Variants in LINC00305 observed in about 807,000 individuals in gnomAD.
The protein encoded by LINC00305 is long intergenic non-protein coding RNA 305.
intron 1 of LINC00305, among the ~76,000 whole-genome samples, chr18:64,143,621 T>C (rs572594688): frequency 2.0e-5 from 3 of 148,670 alleles, no homozygotes; most frequent in South Asian, 2.1e-4. Flanking sequence ...TATGTACACA[T>C]ATGTATGTAC....
intron 1 of LINC00305, among the ~76,000 whole-genome samples, chr18:64,148,458 C>G (rs1313963191): frequency 2.0e-5 from 3 of 151,736 alleles, no homozygotes; most frequent in African/African-American, 7.3e-5. Flanking sequence ...CTTAAGCAAG[C>G]CAGGCTTGCA....
intron 3 of LINC00305, among the ~76,000 whole-genome samples, chr18:64,096,775 G>C (rs998056352): frequency 1.3e-5 from 2 of 151,794 alleles, no homozygotes; most frequent in Non-Finnish European, 2.9e-5. Context: ...AACGTAGTAA[G>C]TTAAAGAACA....
At chr18:64,127,917 G>A (rs1444687807) in intron 1 of LINC00305, among the ~76,000 whole-genome samples, 2 of 152,000 alleles carry the variant, frequency 1.3e-5, no homozygotes, top group African/African-American at 2.4e-5. Flanking sequence ...AGGAAGTTTG[G>A]GTTTTTGTAA....
At chr18:64,116,818 A>G (rs2051339811) in intron 1 of LINC00305, among the ~76,000 whole-genome samples, 1 of 152,238 alleles carries the variant, frequency 6.6e-6, no homozygotes. Context: ...TTCTTGGACA[A>G]CAAAAAGTGC....
At chr18:64,131,106 T>C (rs542852249) in intron 1 of LINC00305, among the ~76,000 whole-genome samples, 3 of 152,324 alleles carry the variant, frequency 2.0e-5, no homozygotes, top group East Asian at 1.9e-4. Context: ...TGTGCTATTA[T>C]GTAGAAGCCC....
chr18:64,091,923 T>C (rs533525342), intron 3 of LINC00305, among the ~76,000 whole-genome samples: 1 of 152,336 alleles, frequency 6.6e-6, no homozygotes, highest in Admixed American at 6.5e-5. Flanking sequence ...ATTATTTAAG[T>C]AGAGACTATC....
chr18:64,144,235 G>A lies in LINC00305; in HGVS notation n.314+4540C>T, dbSNP rs544103190. On this transcript the variant is annotated intron_variant and non_coding_transcript_variant, in intron 1 of 3. Transcript: ENST00000666468. Reference sequence around the variant, plus strand: ...AATTATTTATGCTCTATAGAATTAGGTTTTGTTGCCAATAGCCTTATTTGT... The same window carrying A: ...AATTATTTATGCTCTATAGAATTAGATTTTGTTGCCAATAGCCTTATTTGT... Among the ~76,000 whole-genome samples the A allele has an allele frequency of 1.0e-3, 157 of 152,274 alleles. 3 individuals are homozygous for A. The South Asian group carries it at 0.014, about 13-fold the overall frequency.
intron 1 of LINC00305, among the ~76,000 whole-genome samples, chr18:64,106,884 C>T (rs1335384578): frequency 6.6e-6 from 1 of 152,258 alleles, no homozygotes; most frequent in East Asian, 1.9e-4. Context: ...TTTATGTACT[C>T]ACAGAAGAAA....
At chr18:64,127,706 G>A (rs1599224863) in intron 1 of LINC00305, among the ~76,000 whole-genome samples, 1 of 152,230 alleles carries the variant, frequency 6.6e-6, no homozygotes, top group African/African-American at 2.4e-5. Flanking sequence ...CTGGAAGCCA[G>A]CCCAATGGAC....
chr18:64,145,050 T>A (rs1203392081), intron 1 of LINC00305, among the ~76,000 whole-genome samples: 2 of 152,182 alleles, frequency 1.3e-5, no homozygotes, highest in Non-Finnish European at 2.9e-5. Flanking sequence ...TACTCCCTTC[T>A]GAGAATTTCT....
intron 1 of LINC00305, among the ~76,000 whole-genome samples, chr18:64,129,073 C>T (rs992494433): frequency 6.6e-6 from 1 of 151,982 alleles, no homozygotes; most frequent in Non-Finnish European, 1.5e-5. Context: ...AGAATTCATG[C>T]GATACATTTT....
chr18:64,125,889 C>G (rs1012200941), intron 1 of LINC00305, among the ~76,000 whole-genome samples: 1 of 152,094 alleles, frequency 6.6e-6, no homozygotes, highest in Non-Finnish European at 1.5e-5. Context: ...TGGTTCTTTT[C>G]TCTGTCTCAC....
intron 1 of LINC00305, among the ~76,000 whole-genome samples, chr18:64,122,884 T>G (rs745885163): frequency 7.9e-5 from 12 of 152,124 alleles, no homozygotes; most frequent in Non-Finnish European, 1.6e-4. Context: ...ATTTTCTATT[T>G]TTCCTTGTAG....
chr18:64,083,764 A>G (rs2051193375), intron 3 of LINC00305, among the ~76,000 whole-genome samples: 3 of 152,210 alleles, frequency 2.0e-5, no homozygotes, highest in Admixed American at 2.0e-4. Context: ...GGTTCTCATT[A>G]TAATGCTCAA....
intron 1 of LINC00305, among the ~76,000 whole-genome samples, chr18:64,121,416 C>T (rs2051361592): frequency 6.6e-6 from 1 of 152,046 alleles, no homozygotes; most frequent in Admixed American, 6.6e-5. Flanking sequence ...CACTATTTAG[C>T]TCCCACTTAT....
At chr18:64,130,163 A>G (rs991523263) in intron 1 of LINC00305, among the ~76,000 whole-genome samples, 1 of 152,178 alleles carries the variant, frequency 6.6e-6, no homozygotes, top group Non-Finnish European at 1.5e-5. Flanking sequence ...CAAAATAAAT[A>G]CAAAACTTAC....
At chr18:64,143,575 TG>T (rs1288914428) in intron 1 of LINC00305, among the ~76,000 whole-genome samples, 25 of 2,938 alleles carry the variant, frequency 8.5e-3, no homozygotes, top group African/African-American at 0.011. Context: ...TATACACATA[TG>T]TATATGTACA....
intron 3 of LINC00305, among the ~76,000 whole-genome samples, chr18:64,085,572 C>T (rs1344936240): frequency 1.3e-5 from 2 of 152,132 alleles, no homozygotes; most frequent in East Asian, 3.9e-4. Context: ...AAGAGATTCT[C>T]CTGCCCCAGC....
chr18:64,111,880 G>A (rs907308336), intron 1 of LINC00305, among the ~76,000 whole-genome samples: 6 of 152,144 alleles, frequency 3.9e-5, no homozygotes, highest in South Asian at 4.1e-4. Flanking sequence ...ATGTACCTCC[G>A]GGAACAGTAA....
Sources: gnomAD v4.1 joint callset for allele counts (sites outside exome capture counted in the v4.1 genomes callset) on GRCh38, gnomAD v4.1.1 for gene constraint, MANE v1.5 for transcripts, NCBI Gene and HGNC (gene_info 2026-07-23, HGNC 2026-07-21) for gene names.